Variants in ACTR3C observed in about 807,000 individuals in gnomAD.
ACTR3C encodes the protein actin related protein 3C, also known as actin-related protein 3C.
Under a neutral mutation model 26.3 loss-of-function variants are expected in ACTR3C, and 18 were observed. That is an observed-to-expected ratio of 0.68 (90% CI 0.47 to 1.01). The LOEUF is 1.01. Ranked by LOEUF, ACTR3C falls within the 50% of genes least tolerant of loss-of-function variation. The probability of loss-of-function intolerance (pLI) is 0.00; values close to 1 mark genes in which losing one functional copy is unlikely to be tolerated. For synonymous variants in ACTR3C, 55 were observed against 94.5 expected (o/e 0.58, Z 2.42); for missense variants, 184 against 250.7 (o/e 0.73, Z 1.80).
At chr7:150,035,538 C>A in the ACTR3C span, among the ~76,000 whole-genome samples, 2 of 126,258 alleles carry the variant, frequency 1.6e-5, no homozygotes, top group East Asian at 2.2e-4. Flanking sequence ...GGGTGCCTCC[C>A]CCTCCTGCGA....
At chr7:150,197,215 C>A in the ACTR3C span, among the ~76,000 whole-genome samples, 1 of 152,150 alleles carries the variant, frequency 6.6e-6, no homozygotes, top group South Asian at 2.1e-4. Context: ...CCTGTGAATG[C>A]CTGGATTCAC....
chr7:150,047,333 A>G, the ACTR3C span, among the ~76,000 whole-genome samples: 4 of 152,218 alleles, frequency 2.6e-5, no homozygotes, highest in African/African-American at 9.6e-5. Flanking sequence ...AGGGAACGTA[A>G]GGCGAATTCC....
the ACTR3C span, among the ~76,000 whole-genome samples, chr7:149,914,071 G>T: frequency 6.6e-6 from 1 of 151,048 alleles, no homozygotes; most frequent in Non-Finnish European, 1.5e-5. Context: ...TTATTTTTTT[G>T]TAGAGAGGGG....
intron 1 of ACTR3C, among the ~76,000 whole-genome samples, chr7:150,306,596 C>T (rs536259768): frequency 1.3e-5 from 2 of 152,306 alleles, no homozygotes; most frequent in East Asian, 3.9e-4. Context: ...CCTGTAATCC[C>T]AACACTTTGG....
At chr7:150,240,697 C>T (rs1176886617), downstream of ACTR3C, among the ~76,000 whole-genome samples, 6 of 152,074 alleles carry the variant, frequency 3.9e-5, no homozygotes, top group Admixed American at 2.6e-4. Context: ...TTCTACTTAA[C>T]GTGATGCTAG....
At chr7:150,128,814 G>C in the ACTR3C span, among the ~76,000 whole-genome samples, 3 of 152,090 alleles carry the variant, frequency 2.0e-5, no homozygotes, top group African/African-American at 7.2e-5. Context: ...TTAGACTTTG[G>C]ACAACAGGCA....
the ACTR3C span, among the ~76,000 whole-genome samples, chr7:150,074,570 G>T: frequency 6.7e-6 from 1 of 149,450 alleles, no homozygotes; most frequent in Non-Finnish European, 1.5e-5. Context: ...GCAAAAGCAG[G>T]CATTCACCAT....
chr7:150,290,951 T>C (rs1836200214), intron 3 of ACTR3C, among the ~76,000 whole-genome samples: 1 of 152,180 alleles, frequency 6.6e-6, no homozygotes, highest in South Asian at 2.1e-4. Flanking sequence ...AAATAAATTA[T>C]GTACTTCTTA....
At chr7:150,070,155 C>T in the ACTR3C span, among the ~76,000 whole-genome samples, 9 of 152,236 alleles carry the variant, frequency 5.9e-5, no homozygotes, top group East Asian at 1.4e-3. Context: ...CAGGAGCTCG[C>T]GAGGCCTCAC....
At chr7:150,008,407 T>C in the ACTR3C span, among the ~76,000 whole-genome samples, 1 of 152,258 alleles carries the variant, frequency 6.6e-6, no homozygotes, top group African/African-American at 2.4e-5. Flanking sequence ...GAGCCGCACG[T>C]GGCTCCAGTT....
At chr7:150,259,858 C>T (rs1833514442) in intron 6 of ACTR3C, among the ~76,000 whole-genome samples, 1 of 152,162 alleles carries the variant, frequency 6.6e-6, no homozygotes, top group Non-Finnish European at 1.5e-5. Context: ...CTGCCTTGTC[C>T]CTGCTGGATT....
chr7:150,299,425 C>A (rs1326599396), intron 1 of ACTR3C, among the ~76,000 whole-genome samples: 1 of 139,476 alleles, frequency 7.2e-6, no homozygotes, highest in Non-Finnish European at 1.5e-5. Context: ...CTGTGAATAG[C>A]CACTGCACTC....
chr7:150,198,883 A>T, the ACTR3C span, among the ~76,000 whole-genome samples: 1 of 141,658 alleles, frequency 7.1e-6, no homozygotes, highest in Non-Finnish European at 1.5e-5. Flanking sequence ...CCTGCTGGGA[A>T]GTGAGGAGCC....
the ACTR3C span, chr7:150,074,293 T>C: frequency 6.6e-6 from 1 of 152,114 alleles, no homozygotes; most frequent in African/African-American, 2.4e-5. Context: ...TTAGATGTAC[T>C]GTTCTGATAT....
the ACTR3C span, among the ~76,000 whole-genome samples, chr7:149,906,076 TG>T: frequency 6.6e-6 from 1 of 152,232 alleles, no homozygotes; most frequent in South Asian, 2.1e-4. Context: ...TGGATCTGTA[TG>T]TGTCAGCACT....
downstream of ACTR3C, among the ~76,000 whole-genome samples, chr7:150,242,403 G>C (rs1366959476): frequency 1.3e-5 from 2 of 150,634 alleles, no homozygotes; most frequent in Non-Finnish European, 2.9e-5. Flanking sequence ...GTCTGCAAAG[G>C]GGCACAGGGA....
At chr7:150,077,535 T>C in the ACTR3C span, among the ~76,000 whole-genome samples, 1 of 152,112 alleles carries the variant, frequency 6.6e-6, no homozygotes, top group African/African-American at 2.4e-5. Context: ...CATGGAATCC[T>C]GAGTGTTAGG....
the ACTR3C span, among the ~76,000 whole-genome samples, chr7:150,023,917 T>C: frequency 0.84 from 83,482 of 99,764 alleles, 36,666 homozygotes; most frequent in East Asian, 0.95. Context: ...GCCGGAGCCA[T>C]GGAGAGGAGC....
chr7:150,263,485 C>CAG (rs10659339), intron 6 of ACTR3C, among the ~76,000 whole-genome samples: 111,404 of 130,382 alleles, frequency 0.85, 48,069 homozygotes, highest in East Asian at 1. Context: ...GGTAAAGAAA[C>CAG]AGAGGATTAA....
Sources: gnomAD v4.1 joint callset for allele counts (sites outside exome capture counted in the v4.1 genomes callset) on GRCh38, gnomAD v4.1.1 for gene constraint, MANE v1.5 for transcripts, NCBI Gene and HGNC (gene_info 2026-07-23, HGNC 2026-07-21) for gene names.